Variants in NALF1 observed in about 807,000 individuals in gnomAD.
The protein encoded by NALF1 is family with sequence similarity 155 member A.
Under a neutral mutation model 48.4 loss-of-function variants are expected in NALF1, and 3 were observed. The ratio of observed to expected loss-of-function variants is 0.06; its 90% CI spans 0.03 to 0.16. The LOEUF (loss-of-function observed/expected upper bound fraction) is 0.16, where lower values mean the gene tolerates loss of function less well. Ranked by LOEUF, NALF1 falls within the 10% of genes least tolerant of loss-of-function variation. The pLI, the probability that NALF1 is intolerant of heterozygous loss-of-function variation, is 1.00. For missense variants in NALF1, 526 were observed against 571.5 expected, an observed-to-expected ratio of 0.92 and a Z score of 0.81; for synonymous variants, 262 against 245.7, an observed-to-expected ratio of 1.07 and a Z score of -0.62.
chr13:107,730,007 TA>T (rs1339247304), intron 1 of NALF1, among the ~76,000 whole-genome samples: 1 of 152,168 alleles, frequency 6.6e-6, no homozygotes, highest in African/African-American at 2.4e-5. Context: ...GCCAATATAA[TA>T]AAAGTCACTT....
intron 1 of NALF1, among the ~76,000 whole-genome samples, chr13:107,798,500 A>C (rs1878501884): frequency 6.6e-6 from 1 of 152,080 alleles, no homozygotes; most frequent in South Asian, 2.1e-4. Context: ...TTCCCTTATC[A>C]ATCTCTTCTT....
chr13:107,663,473 T>C (rs946273331), intron 1 of NALF1, among the ~76,000 whole-genome samples: 2 of 152,166 alleles, frequency 1.3e-5, no homozygotes, highest in Non-Finnish European at 2.9e-5. Flanking sequence ...TAAAAAGACC[T>C]TTAAAGATCT....
intron 1 of NALF1, among the ~76,000 whole-genome samples, chr13:107,742,507 T>C (rs1459749274): frequency 6.6e-6 from 1 of 152,178 alleles, no homozygotes; most frequent in Non-Finnish European, 1.5e-5. Context: ...CTTTCCCCCC[T>C]TTACTCAGCA....
chr13:107,251,672 T>C (rs970183491), intron 1 of NALF1, among the ~76,000 whole-genome samples: 2 of 152,174 alleles, frequency 1.3e-5, no homozygotes, highest in African/African-American at 2.4e-5. Context: ...GATGGAGTAA[T>C]GGACACAGTG....
In NALF1 at chr13:107,790,632, G is replaced by C. The variant is rs1284461457; in HGVS notation, c.915+75050C>G. Among the ~76,000 whole-genome samples, 4 of 152,144 alleles carry C rather than the reference G, an allele frequency of 2.6e-5. No homozygotes were observed. In the East Asian group the frequency reaches 5.8e-4, roughly 22 times the overall value. On this transcript the variant is annotated intron_variant, in intron 1 of 2. Coordinates refer to ENST00000375915, the MANE Select transcript of NALF1 (RefSeq NM_001080396.3). ...CATGGCAAGATGTGTCTATTGCATA[G>C]TTATTAAAATAGCATAGCAATTCTG...
chr13:107,834,563 T>C (rs76722404), intron 1 of NALF1, among the ~76,000 whole-genome samples: 4,133 of 152,230 alleles, frequency 0.027, 186 homozygotes, highest in African/African-American at 0.094. Context: ...ACTAGTGTAA[T>C]TAAAAAGATT....
intron 1 of NALF1, among the ~76,000 whole-genome samples, chr13:107,500,812 G>A (rs1387218689): frequency 6.6e-6 from 1 of 151,866 alleles, no homozygotes; most frequent in Non-Finnish European, 1.5e-5. Context: ...TAGGGACATG[G>A]ATGAAATTGG....
chr13:107,531,760 G>T (rs912279), intron 1 of NALF1, among the ~76,000 whole-genome samples: 1 of 151,670 alleles, frequency 6.6e-6, no homozygotes, highest in African/African-American at 2.4e-5. Flanking sequence ...ACTGGAATAC[G>T]TGTTGCAAGT....
chr13:107,281,725 TCA>T (rs1169077037), intron 1 of NALF1, among the ~76,000 whole-genome samples: 26 of 152,076 alleles, frequency 1.7e-4, no homozygotes, highest in Admixed American at 1.7e-3. Flanking sequence ...TTTAATTGAC[TCA>T]CAGTTCAGCA....
chr13:107,637,389 C>G, intron 1 of NALF1, among the ~76,000 whole-genome samples: 1 of 151,914 alleles, frequency 6.6e-6, no homozygotes, highest in South Asian at 2.1e-4. Flanking sequence ...ATAACCAAAC[C>G]ACAACATAAA....
At chr13:107,817,758 C>G (rs922893812) in intron 1 of NALF1, among the ~76,000 whole-genome samples, 1 of 152,172 alleles carries the variant, frequency 6.6e-6, no homozygotes, top group Non-Finnish European at 1.5e-5. Flanking sequence ...GTACGCTGCA[C>G]TTCCCCACAT....
intron 1 of NALF1, among the ~76,000 whole-genome samples, chr13:107,305,222 A>G (rs566248310): frequency 6.6e-6 from 1 of 152,312 alleles, no homozygotes; most frequent in Admixed American, 6.5e-5. Flanking sequence ...GACCCCCAAA[A>G]AGCATATTTT....
At chr13:107,501,984 A>G (rs1189227441) in intron 1 of NALF1, among the ~76,000 whole-genome samples, 1 of 152,184 alleles carries the variant, frequency 6.6e-6, no homozygotes, top group Non-Finnish European at 1.5e-5. Flanking sequence ...TCATTTGCAG[A>G]TAATATTTGA....
Position 107,168,416 on chromosome 13 carries a change from C to G in NALF1, c.*2081G>C, listed in dbSNP as rs773742991. 1 of 152,240 alleles carries G rather than the reference C, an allele frequency of 6.6e-6. No individual in the cohort carries two copies. Among genetic ancestry groups the G allele is most frequent in the Non-Finnish European group, 1.5e-5 (1 of 68,034 alleles). 9.4% of individuals were successfully genotyped at this position (152,240 alleles called of 1,614,324 possible). ...CTCAGCTTGTGTCCCCAGAAAAGCA[C>G]CATGTTTCCATACACTAAAATATGA... On this transcript the variant is annotated 3_prime_UTR_variant, in exon 3 of 3. Transcript: ENST00000375915.
chr13:107,350,056 A>T (rs1594132185), intron 1 of NALF1, among the ~76,000 whole-genome samples: 1 of 152,108 alleles, frequency 6.6e-6, no homozygotes, highest in African/African-American at 2.4e-5. Flanking sequence ...GCTCTTATGA[A>T]AATCCAATGT....
At chr13:107,770,139 T>G (rs1401705389) in intron 1 of NALF1, among the ~76,000 whole-genome samples, 1 of 152,134 alleles carries the variant, frequency 6.6e-6, no homozygotes, top group African/African-American at 2.4e-5. Context: ...GGTCTCGATC[T>G]CCTGACCTCG....
chr13:107,176,622 A>G (rs1878943526), intron 2 of NALF1, among the ~76,000 whole-genome samples: 1 of 152,062 alleles, frequency 6.6e-6, no homozygotes, highest in Non-Finnish European at 1.5e-5. Context: ...AGCCTGGGCA[A>G]CAGAGTGAGA....
chr13:107,351,353 A>T (rs1158031218), intron 1 of NALF1, among the ~76,000 whole-genome samples: 1 of 152,212 alleles, frequency 6.6e-6, no homozygotes, highest in Non-Finnish European at 1.5e-5. Context: ...AAATAGGACC[A>T]GAAATGCGCG....
At chr13:107,303,513 T>C (rs1215707628) in intron 1 of NALF1, among the ~76,000 whole-genome samples, 1 of 152,222 alleles carries the variant, frequency 6.6e-6, no homozygotes, top group African/African-American at 2.4e-5. Context: ...TTTGTTATTA[T>C]AGCTGTAGAG....
Sources: allele counts gnomAD v4.1 joint callset (sites outside exome capture counted in the v4.1 genomes callset), GRCh38; gene constraint gnomAD v4.1.1; transcripts MANE v1.5; gene names NCBI Gene and HGNC (gene_info 2026-07-23, HGNC 2026-07-21).